GPHN: variants seen among roughly 807,000 people sequenced by gnomAD.
GPHN encodes gephyrin.
Under a neutral mutation model 95.5 loss-of-function variants are expected in GPHN, and 17 were observed. The ratio of observed to expected loss-of-function variants is 0.18; its 90% CI spans 0.12 to 0.27. The LOEUF (loss-of-function observed/expected upper bound fraction) is 0.27, where lower values mean the gene tolerates loss of function less well. Among genes scored for constraint, GPHN ranks in the 10% least tolerant of loss-of-function variants. GPHN has a pLI of 1.00. For synonymous variants in GPHN, 320 were observed against 322.5 expected, an observed-to-expected ratio of 0.99 and a Z score of 0.08; for missense variants, 660 against 978.1, an observed-to-expected ratio of 0.67 and a Z score of 4.34.
At chr14:67,714,006 C>T in the GPHN span, among the ~76,000 whole-genome samples, 2 of 152,158 alleles carry the variant, frequency 1.3e-5, no homozygotes, top group Non-Finnish European at 2.9e-5. Flanking sequence ...CAGGTTTGCC[C>T]TAAACAGTTC....
At chr14:66,965,146 T>C (rs2153587540) in intron 8 of GPHN, 45 bp from the exon 9 acceptor site, 1 of 1,545,646 alleles carries the variant, frequency 6.5e-7, no homozygotes, top group Non-Finnish European at 8.9e-7. Context: ...CTACATGTTA[T>C]TGACATTTTC....
At chr14:67,310,809 T>A in the GPHN span, among the ~76,000 whole-genome samples, 6 of 152,176 alleles carry the variant, frequency 3.9e-5, no homozygotes, top group African/African-American at 4.8e-5. Context: ...AAGCCAAAAA[T>A]TTTTTAAAAA....
intron 1 of GPHN, among the ~76,000 whole-genome samples, chr14:66,592,677 A>C (rs36130405): frequency 1.3e-5 from 2 of 152,214 alleles, no homozygotes; most frequent in African/African-American, 4.8e-5. Context: ...ATGTGGAACA[A>C]TAGGACCACT....
At chr14:66,931,919 T>C (rs2066820138) in intron 8 of GPHN, among the ~76,000 whole-genome samples, 1 of 152,244 alleles carries the variant, frequency 6.6e-6, no homozygotes, top group African/African-American at 2.4e-5. Flanking sequence ...GTCTTCATGC[T>C]TGTGGCTGTT....
the GPHN span, among the ~76,000 whole-genome samples, chr14:67,372,565 T>A: frequency 6.6e-6 from 1 of 152,190 alleles, no homozygotes; most frequent in Non-Finnish European, 1.5e-5. Context: ...GAGCGGTGGC[T>A]CACGCCTGTT....
At chr14:66,950,316 T>C (rs1724598082) in intron 8 of GPHN, among the ~76,000 whole-genome samples, 1 of 152,214 alleles carries the variant, frequency 6.6e-6, no homozygotes, top group Non-Finnish European at 1.5e-5. Context: ...AGGTAGATCC[T>C]CACTACTCCA....
At chr14:66,985,181 A>G (rs757349067) in intron 9 of GPHN, among the ~76,000 whole-genome samples, 5 of 152,114 alleles carry the variant, frequency 3.3e-5, no homozygotes, top group Admixed American at 1.3e-4. Context: ...AACAACCTCA[A>G]TGCTTGGGTC....
At chr14:67,041,307 T>C (rs1159063933) in intron 10 of GPHN, among the ~76,000 whole-genome samples, 1 of 152,090 alleles carries the variant, frequency 6.6e-6, no homozygotes, top group East Asian at 1.9e-4. Context: ...CATGGTGGTT[T>C]GCTGCACCCA....
chr14:67,003,757 CT>C (rs1300008840), intron 9 of GPHN, among the ~76,000 whole-genome samples: 5 of 151,700 alleles, frequency 3.3e-5, no homozygotes, highest in Non-Finnish European at 7.4e-5. Context: ...CTTGCTGCCT[CT>C]TCCTGGTAAA....
chr14:67,350,794 G>C, the GPHN span: 117 of 1,093,386 alleles, frequency 1.1e-4, no homozygotes, highest in Middle Eastern at 4.0e-4. Flanking sequence ...TATGCTGGCT[G>C]TGCATGTAAA....
intron 11 of GPHN, among the ~76,000 whole-genome samples, chr14:67,085,776 A>G (rs928083875): frequency 1.3e-5 from 2 of 152,186 alleles, no homozygotes; most frequent in African/African-American, 2.4e-5. Context: ...GTACATTCAC[A>G]TTGTTCTGTA....
the GPHN span, chr14:67,646,880 C>G: frequency 1.4e-6 from 2 of 1,449,270 alleles, no homozygotes; most frequent in South Asian, 2.3e-5. Context: ...GTTAAAAATG[C>G]TCTTTAAACT....
chr14:67,224,759 T>G, the GPHN span: 1 of 252,686 alleles, frequency 4.0e-6, no homozygotes, highest in East Asian at 1.3e-4. Flanking sequence ...TATTGGGAGT[T>G]TCCTTCCTAC....
chr14:67,567,662 C>T, the GPHN span, among the ~76,000 whole-genome samples: 4 of 152,122 alleles, frequency 2.6e-5, no homozygotes, highest in Non-Finnish European at 5.9e-5. Flanking sequence ...CTCATCAGCT[C>T]TGCCCTCTCT....
chr14:67,066,890 G>A (rs910468982), intron 11 of GPHN, among the ~76,000 whole-genome samples: 3 of 152,028 alleles, frequency 2.0e-5, no homozygotes, highest in Non-Finnish European at 4.4e-5. Context: ...CCTTTAGCTC[G>A]GAGAAGTTTG....
the GPHN span, among the ~76,000 whole-genome samples, chr14:67,498,832 A>C: frequency 6.6e-6 from 1 of 151,388 alleles, no homozygotes; most frequent in Admixed American, 6.6e-5. Flanking sequence ...TGCCTGATTA[A>C]TTTTTTTTGT....
chr14:66,617,022 T>C (rs1002533524), intron 1 of GPHN, among the ~76,000 whole-genome samples: 1 of 152,134 alleles, frequency 6.6e-6, no homozygotes, highest in African/African-American at 2.4e-5. Context: ...ACAGGACCCA[T>C]TTAACGAAGC....
the GPHN span, among the ~76,000 whole-genome samples, chr14:67,496,398 T>TG: frequency 2.5e-5 from 3 of 120,874 alleles, no homozygotes; most frequent in East Asian, 7.8e-4. Flanking sequence ...GGCGTTTTTT[T>TG]TTTTTTTTTT....
At chr14:66,668,942 G>A (rs1044083978) in intron 1 of GPHN, among the ~76,000 whole-genome samples, 2 of 149,854 alleles carry the variant, frequency 1.3e-5, no homozygotes, top group Admixed American at 6.6e-5. Context: ...GTACAATGGC[G>A]TTATCTCGGC....
Sources: allele counts gnomAD v4.1 joint callset (sites outside exome capture counted in the v4.1 genomes callset), GRCh38; gene constraint gnomAD v4.1.1; transcripts MANE v1.5; gene names NCBI Gene and HGNC (gene_info 2026-07-23, HGNC 2026-07-21).